Variants in CNOT2 observed in about 807,000 individuals in gnomAD.
CNOT2 encodes the protein CC chemokine receptor 4-negative regulator of transcription 2.
CNOT2 carries 7 observed loss-of-function variants against 72.1 expected under a neutral mutation model. That is an observed-to-expected ratio of 0.10 (90% CI 0.06 to 0.18). The LOEUF (loss-of-function observed/expected upper bound fraction) is 0.18. CNOT2 is among the 10% of genes least tolerant of loss of function. The pLI is 1.00. For missense variants in CNOT2, 345 were observed against 660.3 expected (o/e 0.52, Z 5.23); for synonymous variants, 196 against 225.6 (o/e 0.87, Z 1.17).
At chr12:70,273,176 C>T (rs1005312524) in intron 1 of CNOT2, among the ~76,000 whole-genome samples, 1 of 152,140 alleles carries the variant, frequency 6.6e-6, no homozygotes, top group African/African-American at 2.4e-5. Context: ...AAAATGATGT[C>T]TGTACTTTGT....
chr12:70,253,359 C>T (rs1958245079), intron 1 of CNOT2, among the ~76,000 whole-genome samples: 1 of 152,110 alleles, frequency 6.6e-6, no homozygotes, highest in South Asian at 2.1e-4. Context: ...TGTAAAACTC[C>T]TGACAAGTAG....
intron 1 of CNOT2, among the ~76,000 whole-genome samples, chr12:70,277,220 G>A (rs1479587214): frequency 1.3e-5 from 2 of 152,034 alleles, no homozygotes; most frequent in Non-Finnish European, 1.5e-5. Flanking sequence ...ACAAAACTTA[G>A]GTAAGAGATA....
At chr12:70,244,529 C>G (rs879898907) in intron 1 of CNOT2, among the ~76,000 whole-genome samples, 1 of 152,130 alleles carries the variant, frequency 6.6e-6, no homozygotes, top group Admixed American at 6.5e-5. Context: ...CCTGTAGGTA[C>G]GGTATTACTA....
chr12:70,272,099 G>A (rs1258408367), intron 1 of CNOT2, among the ~76,000 whole-genome samples: 1 of 152,166 alleles, frequency 6.6e-6, no homozygotes, highest in Non-Finnish European at 1.5e-5. Flanking sequence ...TGCTTCTGCT[G>A]CAGTCCTTGT....
At chr12:70,305,403 G>A (rs80336742) in intron 2 of CNOT2, among the ~76,000 whole-genome samples, 2 of 152,108 alleles carry the variant, frequency 1.3e-5, no homozygotes, top group African/African-American at 2.4e-5. Context: ...TTCCTTCTGC[G>A]ACACGTGGGG....
At chr12:70,307,440 A>C (rs1262717339) in intron 2 of CNOT2, among the ~76,000 whole-genome samples, 1 of 151,996 alleles carries the variant, frequency 6.6e-6, no homozygotes, top group Non-Finnish European at 1.5e-5. Context: ...GTATTTGCTT[A>C]GGTCTATCAA....
intron 4 of CNOT2, among the ~76,000 whole-genome samples, chr12:70,329,042 TAAA>T (rs1186748951): frequency 6.6e-6 from 1 of 151,946 alleles, no homozygotes; most frequent in Non-Finnish European, 1.5e-5. Context: ...AATAAAGACA[TAAA>T]AACACATTAC....
intron 1 of CNOT2, among the ~76,000 whole-genome samples, chr12:70,245,293 C>T (rs1407353348): frequency 1.3e-5 from 2 of 152,152 alleles, no homozygotes; most frequent in Non-Finnish European, 2.9e-5. Flanking sequence ...CCACTCTACT[C>T]ACTTATTTCT....
chr12:70,279,748 A>G (rs1869484246), intron 2 of CNOT2, among the ~76,000 whole-genome samples: 2 of 152,246 alleles, frequency 1.3e-5, no homozygotes, highest in South Asian at 4.1e-4. Flanking sequence ...ATTACACACT[A>G]TAGTTAATTT....
At chr12:70,277,082 A>G (rs951910874) in intron 1 of CNOT2, among the ~76,000 whole-genome samples, 2 of 152,060 alleles carry the variant, frequency 1.3e-5, no homozygotes, top group African/African-American at 4.8e-5. Flanking sequence ...TATAGATTAG[A>G]TGTTATCTCC....
rs544398091 is a variant in CNOT2 at position 70,330,398 on chromosome 12, C to T, written c.498C>T (p.Pro166=). The T allele has an allele frequency of 1.6e-4, 261 of 1,612,504 alleles. No individual in the cohort carries two copies. The South Asian group carries it at 2.7e-3, about 17-fold the overall frequency. ...TGAGCAGTTCAGGGTTAGGTAGCCCCAACAGAAGCTCGCCAAGCATAATAT... is the reference window on the plus strand; with the variant it reads ...TGAGCAGTTCAGGGTTAGGTAGCCCTAACAGAAGCTCGCCAAGCATAATAT... ...NSMSSSGLGS[P]NRSSPSIICM... Residue 166 remains proline (P), a synonymous_variant, in exon 6 of 16, where the codon CCC becomes CCT. Transcript: ENST00000229195.
In CNOT2 at chr12:70,265,273, T is replaced by TCTTCTCTTCTCTTCTCTTC. The variant is rs1229244460; in HGVS notation, c.-95-12859_-95-12858insCTTCTCTTCTCTTCTCTTC. ...TACCAAACCTGGAGTTTCGTTTTGT[T>TCTTCTCTTCTCTTCTCTTC]TCTTCTCTTCTCTTCTCTTCTCTTC... On this transcript the variant is annotated intron_variant, in intron 1 of 15. Coordinates refer to ENST00000229195, the MANE Select transcript of CNOT2 (RefSeq NM_014515.7). 1.3e-3 allele frequency among the ~76,000 whole-genome samples: 157 copies of TCTTCTCTTCTCTTCTCTTC among 125,466 alleles called. 2 individuals carry two copies. The highest frequency in any genetic ancestry group is 4.2e-3 in the African/African-American group (150 of 35,800). 82.3% of individuals were successfully genotyped at this position (125,466 alleles called of 152,430 possible).
intron 11 of CNOT2, among the ~76,000 whole-genome samples, 178 bp downstream of exon 11, chr12:70,339,000 T>C (rs1325469245): frequency 2.0e-5 from 3 of 150,650 alleles, no homozygotes; most frequent in Admixed American, 6.6e-5. Flanking sequence ...ATTCCTTTTA[T>C]AATTTGGCAT....
At chr12:70,337,542 T>C (rs770192961) in intron 9 of CNOT2, 29 bp downstream of exon 9, 1 of 1,601,942 alleles carries the variant, frequency 6.2e-7, no homozygotes, top group South Asian at 1.1e-5. Flanking sequence ...TGTATGTGAG[T>C]GATGTAGTTT....
chr12:70,307,161 C>G (rs1393195089), intron 2 of CNOT2, among the ~76,000 whole-genome samples: 1 of 152,118 alleles, frequency 6.6e-6, no homozygotes, highest in Non-Finnish European at 1.5e-5. Flanking sequence ...ACATTGGAAA[C>G]ACTGTACACT....
chr12:70,344,773 A>G (rs531304124), intron 14 of CNOT2: 3 of 152,336 alleles, frequency 2.0e-5, no homozygotes, highest in African/African-American at 4.8e-5. Flanking sequence ...CAGAATTGAC[A>G]TAACTCATGG....
chr12:70,301,220 C>T (rs987607536), intron 2 of CNOT2, among the ~76,000 whole-genome samples: 1 of 152,166 alleles, frequency 6.6e-6, no homozygotes, highest in African/African-American at 2.4e-5. Flanking sequence ...ATTTCCTTCT[C>T]CTGCCTGATT....
rs147468848 is a variant in CNOT2 at position 70,271,264 on chromosome 12, C to A, written c.-95-6868C>A. 2.9e-3 allele frequency among the ~76,000 whole-genome samples: 444 copies of A among 151,886 alleles called. 1 individual carries two copies. The highest frequency in any genetic ancestry group is 0.01 in the African/African-American group (428 of 41,422). On this transcript the variant is annotated intron_variant, in intron 1 of 15. Transcript: ENST00000229195. ...TCTTTCTTTCCTAGAATCCTACCAT[C>A]AGTTTTTCCCTTATGTCTCACTAGC...
At position 70,276,245 on chromosome 12, in the gene CNOT2, G is replaced by T. The variant is rs1347408861; in HGVS notation, c.-95-1887G>T. ...GTCATTATTTTTTGTATATAATTAG[G>T]TTGTATTAAAGATGTATACAGCATT... On this transcript the variant is annotated intron_variant, in intron 1 of 15. Coordinates refer to ENST00000229195, the MANE Select transcript of CNOT2 (RefSeq NM_014515.7). Among the ~76,000 whole-genome samples the T allele has an allele frequency of 2.1e-4, 32 of 151,900 alleles. No homozygotes were observed. The East Asian group carries it at 6.0e-3, about 28-fold the overall frequency.
Sources: allele counts gnomAD v4.1 joint callset (sites outside exome capture counted in the v4.1 genomes callset), GRCh38; gene constraint gnomAD v4.1.1; transcripts MANE v1.5; gene names NCBI Gene and HGNC (gene_info 2026-07-23, HGNC 2026-07-21).